The following STPG2 variants were observed in gnomAD, a reference collection of about 807,000 sequenced individuals.
STPG2 encodes sperm-tail PG-rich repeat-containing protein 2.
In STPG2, 56 loss-of-function variants were observed where a neutral mutation model predicts 54.2. The ratio of observed to expected loss-of-function variants is 1.03; its 90% CI spans 0.83 to 1.29. STPG2 has a LOEUF of 1.29. Ranked by LOEUF, STPG2 falls within the 50% of genes most tolerant of loss-of-function variation. STPG2 has a pLI of 0.00. For missense variants in STPG2, 596 were observed against 544.9 expected, an observed-to-expected ratio of 1.09 and a Z score of -0.93; for synonymous variants, 200 against 181.8, an observed-to-expected ratio of 1.10 and a Z score of -0.81.
At chr4:97,565,013 A>G (rs1732386076) in intron 10 of STPG2, among the ~76,000 whole-genome samples, 3 of 152,162 alleles carry the variant, frequency 2.0e-5, no homozygotes, top group Non-Finnish European at 2.9e-5. Context: ...CTCCTGGATA[A>G]TATCCTGCAG....
chr4:98,118,928 T>A (rs577718161), intron 3 of STPG2, among the ~76,000 whole-genome samples: 202 of 152,230 alleles, frequency 1.3e-3, no homozygotes, highest in South Asian at 3.5e-3. Flanking sequence ...CACAAATCCA[T>A]ACTGATATAA....
intron 4 of STPG2, among the ~76,000 whole-genome samples, chr4:97,460,193 T>C (rs1729627771): frequency 6.6e-6 from 1 of 152,166 alleles, no homozygotes. Context: ...TATATCCCTT[T>C]ATACTCAGTA....
At chr4:98,061,092 T>G (rs1560660742) in intron 5 of STPG2, among the ~76,000 whole-genome samples, 2 of 152,172 alleles carry the variant, frequency 1.3e-5, no homozygotes, top group Admixed American at 6.5e-5. Flanking sequence ...CTTAAGAGCT[T>G]CTGCACAACA....
intron 8 of STPG2, among the ~76,000 whole-genome samples, chr4:97,920,750 C>A (rs1732070497): frequency 6.6e-6 from 1 of 152,164 alleles, no homozygotes; most frequent in Non-Finnish European, 1.5e-5. Context: ...AGAAATATCA[C>A]CTATGGTCTT....
intron 9 of STPG2, among the ~76,000 whole-genome samples, chr4:97,809,353 C>T (rs554815910): frequency 1.3e-5 from 2 of 152,234 alleles, no homozygotes; most frequent in South Asian, 4.1e-4. Context: ...GAAACCCCCC[C>T]AAGATTCCCA....
At chr4:97,513,723 T>C (rs1731019338) in intron 4 of STPG2, among the ~76,000 whole-genome samples, 1 of 152,150 alleles carries the variant, frequency 6.6e-6, no homozygotes, top group South Asian at 2.1e-4. Context: ...GATTATCATC[T>C]TCACTTCAAA....
chr4:97,500,897 A>C (rs1275720040), intron 4 of STPG2, among the ~76,000 whole-genome samples: 1 of 151,958 alleles, frequency 6.6e-6, no homozygotes, highest in Non-Finnish European at 1.5e-5. Flanking sequence ...AACTATAGAA[A>C]ATATTTTAAG....
chr4:97,786,134 A>T (rs1438452764), intron 9 of STPG2, among the ~76,000 whole-genome samples: 1 of 151,980 alleles, frequency 6.6e-6, no homozygotes, highest in African/African-American at 2.4e-5. Flanking sequence ...ACCCCAAAAA[A>T]GTTTCCTTGT....
chr4:97,755,608 T>C (rs1303882718), intron 9 of STPG2, among the ~76,000 whole-genome samples: 3 of 152,216 alleles, frequency 2.0e-5, no homozygotes, highest in African/African-American at 7.2e-5. Context: ...ACTATCTGGC[T>C]CTCAAGAATA....
intron 8 of STPG2, among the ~76,000 whole-genome samples, chr4:97,877,503 T>C (rs998977718): frequency 1.3e-5 from 2 of 152,100 alleles, no homozygotes; most frequent in African/African-American, 4.8e-5. Flanking sequence ...ATCATTATGG[T>C]GAAAGGCAAA....
At chr4:97,790,835 T>C (rs1393246825) in intron 9 of STPG2, among the ~76,000 whole-genome samples, 1 of 152,178 alleles carries the variant, frequency 6.6e-6, no homozygotes, top group Non-Finnish European at 1.5e-5. Flanking sequence ...AGCAACTTTT[T>C]ATTACATCTG....
chr4:97,932,348 T>A (rs987060417), intron 8 of STPG2, among the ~76,000 whole-genome samples: 1 of 152,128 alleles, frequency 6.6e-6, no homozygotes, highest in African/African-American at 2.4e-5. Flanking sequence ...TAATTTGAGA[T>A]TTTTCCAAAT....
chr4:98,087,293 C>G (rs889711907), intron 5 of STPG2, among the ~76,000 whole-genome samples: 4 of 152,146 alleles, frequency 2.6e-5, no homozygotes, highest in East Asian at 1.9e-4. Flanking sequence ...AAAAACTTCA[C>G]GTTTTCCTGC....
chr4:98,098,283 A>T (rs991444566), intron 5 of STPG2, among the ~76,000 whole-genome samples: 2 of 152,110 alleles, frequency 1.3e-5, no homozygotes, highest in African/African-American at 4.8e-5. Context: ...ATGTACACTA[A>T]CGAAACAGAA....
At chr4:97,961,093 G>GA (rs199899968) in intron 7 of STPG2, among the ~76,000 whole-genome samples, 58,333 of 145,162 alleles carry the variant, frequency 0.4, 11,497 homozygotes, top group Middle Eastern at 0.45. Context: ...ACATAAAATG[G>GA]AAAAAAAAAA....
intron 8 of STPG2, among the ~76,000 whole-genome samples, chr4:97,903,672 T>C (rs1008610031): frequency 1.3e-5 from 2 of 152,180 alleles, no homozygotes; most frequent in Admixed American, 1.3e-4. Flanking sequence ...GATTTCTGCA[T>C]TTCCATCTGA....
In STPG2 at chr4:97,794,288, A is replaced by G. The variant is rs554255879; in HGVS notation, c.1204+46485T>C. Among the ~76,000 whole-genome samples, 47 of 152,236 alleles carry G rather than the reference A, an allele frequency of 3.1e-4. No homozygotes were observed. The South Asian group carries it at 9.7e-3, about 32-fold the overall frequency. ...TAAATGCAAATCCCTCTCTTAGTGA[A>G]GAATAAACTACCCATATAATCTCAA... On this transcript the variant is annotated intron_variant, in intron 9 of 10. Coordinates refer to ENST00000295268, the MANE Select transcript of STPG2 (RefSeq NM_174952.3).
chr4:97,702,072 G>T (rs760598151), intron 10 of STPG2, among the ~76,000 whole-genome samples: 4 of 152,094 alleles, frequency 2.6e-5, no homozygotes, highest in Non-Finnish European at 5.9e-5. Flanking sequence ...GGGATGAGTA[G>T]GTCTAAAGAC....
chr4:97,980,284 C>T (rs1734630932), intron 6 of STPG2, among the ~76,000 whole-genome samples: 1 of 152,190 alleles, frequency 6.6e-6, no homozygotes, highest in Non-Finnish European at 1.5e-5. Context: ...CATGTAGGAA[C>T]AATGTAAATA....
Sources: gnomAD v4.1 joint callset for allele counts (sites outside exome capture counted in the v4.1 genomes callset) on GRCh38, gnomAD v4.1.1 for gene constraint, MANE v1.5 for transcripts, NCBI Gene and HGNC (gene_info 2026-07-23, HGNC 2026-07-21) for gene names.